The following GRM1 variants were observed in gnomAD, a reference collection of about 807,000 sequenced individuals.
GRM1 encodes glutamate metabotropic receptor 1.
GRM1 carries 33 observed loss-of-function variants against 90.9 expected under a neutral mutation model. The observed-to-expected ratio is 0.36, with a 90% confidence interval of 0.28 to 0.49. The LOEUF is 0.49. GRM1 is among the 20% of genes least tolerant of loss of function. The pLI is 0.99. For synonymous variants in GRM1, 700 were observed against 613.2 expected, an observed-to-expected ratio of 1.14 and a Z score of -2.09; for missense variants, 1,190 against 1,534.3, an observed-to-expected ratio of 0.78 and a Z score of 3.75.
At chr6:146,280,660 T>C (rs953196195) in intron 2 of GRM1, among the ~76,000 whole-genome samples, 1 of 152,090 alleles carries the variant, frequency 6.6e-6, no homozygotes, top group Non-Finnish European at 1.5e-5. Context: ...ATTCTCTCAC[T>C]CAGGCAGGAG....
chr6:146,208,325 G>T (rs1375532416), intron 2 of GRM1, among the ~76,000 whole-genome samples: 2 of 152,086 alleles, frequency 1.3e-5, no homozygotes, highest in African/African-American at 4.8e-5. Flanking sequence ...GTGAACAGGT[G>T]ATGTTTCTAT....
At chr6:146,139,872 GTTCCCTTCCCTTCCC>G (rs554971904) in intron 1 of GRM1, among the ~76,000 whole-genome samples, 7 of 110,078 alleles carry the variant, frequency 6.4e-5, no homozygotes, top group East Asian at 2.7e-4. Flanking sequence ...TGGTTGCTTT[GTTCCCTTCCCTTCCC>G]TTCCCTTCCC....
intron 3 of GRM1, among the ~76,000 whole-genome samples, chr6:146,326,050 T>C (rs1784388738): frequency 6.6e-6 from 1 of 152,182 alleles, no homozygotes; most frequent in Non-Finnish European, 1.5e-5. Flanking sequence ...TAAAATGAAG[T>C]GAATAAGTCA....
At chr6:146,076,634 A>G (rs1306422044) in intron 1 of GRM1, among the ~76,000 whole-genome samples, 1 of 152,152 alleles carries the variant, frequency 6.6e-6, no homozygotes, top group South Asian at 2.1e-4. Context: ...CAGTGGAGCA[A>G]GTTTGGAGGC....
intron 1 of GRM1, among the ~76,000 whole-genome samples, chr6:146,081,378 A>G (rs537404690): frequency 3.5e-4 from 53 of 152,322 alleles, no homozygotes; most frequent in African/African-American, 1.3e-3. Context: ...GATCTGCAGA[A>G]TATCATTTAT....
intron 1 of GRM1, among the ~76,000 whole-genome samples, chr6:146,113,502 G>A (rs1466346558): frequency 6.6e-6 from 1 of 152,194 alleles, no homozygotes; most frequent in Admixed American, 6.5e-5. Flanking sequence ...CCAGAAGAAA[G>A]TATATGTACT....
intron 3 of GRM1, among the ~76,000 whole-genome samples, chr6:146,349,073 A>ATTG (rs1554299566): frequency 1.4e-5 from 2 of 147,662 alleles, no homozygotes; most frequent in East Asian, 4.0e-4. Context: ...TATTATTATT[A>ATTG]TTATTATTAT....
intron 3 of GRM1, among the ~76,000 whole-genome samples, chr6:146,310,040 T>C (rs1783720666): frequency 6.6e-6 from 1 of 152,224 alleles, no homozygotes; most frequent in African/African-American, 2.4e-5. Flanking sequence ...CAATGACTTT[T>C]AAAATTAGTC....
chr6:146,304,550 G>T, intron 2 of GRM1, 61 bp from the exon 3 acceptor site: 2 of 1,125,698 alleles, frequency 1.8e-6, no homozygotes, highest in South Asian at 1.3e-5. Flanking sequence ...ATATAACTCT[G>T]AGCTCTATTT....
rs75655152 is a variant in GRM1, at chr6:146,351,305, G to A, written c.1187-945G>A. Among the ~76,000 whole-genome samples the A allele has an allele frequency of 6.8e-3, 1,032 of 152,298 alleles. 16 individuals are homozygous for A. Among genetic ancestry groups the A allele is most frequent in the African/African-American group, 0.024 (981 of 41,570 alleles). On this transcript the variant is annotated intron_variant, in intron 3 of 7. Coordinates refer to ENST00000282753, the MANE Select transcript of GRM1 (RefSeq NM_001278064.2). ...CCCCTACTATCAGTCAAATGAGGGA[G>A]GAAATGCTCACTGCAGAGAGAAGCA...
chr6:146,427,432 C>A (rs1429982486), intron 7 of GRM1, among the ~76,000 whole-genome samples: 1 of 152,082 alleles, frequency 6.6e-6, no homozygotes, highest in African/African-American at 2.4e-5. Flanking sequence ...GTCAAAGGTA[C>A]ACATTCCTGC....
At chr6:146,062,691 C>T (rs1435792804) in intron 1 of GRM1, among the ~76,000 whole-genome samples, 2 of 151,926 alleles carry the variant, frequency 1.3e-5, no homozygotes, top group Non-Finnish European at 2.9e-5. Context: ...TTCTCCACTT[C>T]ATCATCAATT....
At chr6:146,358,587 CTGACA>C in intron 5 of GRM1, among the ~76,000 whole-genome samples, 1 of 152,334 alleles carries the variant, frequency 6.6e-6, no homozygotes, top group South Asian at 2.1e-4. Flanking sequence ...TCCTGCCATG[CTGACA>C]TGCCGCTGTA....
chr6:146,418,180 T>C (rs1017598746), intron 7 of GRM1, among the ~76,000 whole-genome samples: 13 of 152,150 alleles, frequency 8.5e-5, no homozygotes, highest in Non-Finnish European at 1.3e-4. Context: ...TTGGCGTGTC[T>C]CCTTAGTAGC....
intron 1 of GRM1, among the ~76,000 whole-genome samples, chr6:146,057,378 T>A (rs1775515774): frequency 6.6e-6 from 1 of 152,122 alleles, no homozygotes; most frequent in South Asian, 2.1e-4. Context: ...GCATCACACA[T>A]AAGCACCTCT....
chr6:146,156,036 G>A (rs1160815319), intron 1 of GRM1, among the ~76,000 whole-genome samples: 5 of 152,198 alleles, frequency 3.3e-5, no homozygotes. Context: ...TTTACTTGGT[G>A]TAGAGGATAC....
intron 2 of GRM1, among the ~76,000 whole-genome samples, chr6:146,201,920 A>G (rs889293959): frequency 3.9e-5 from 6 of 152,216 alleles, no homozygotes; most frequent in Non-Finnish European, 7.3e-5. Context: ...CAATGCTGCC[A>G]TGTGGGCATT....
chr6:146,332,733 G>A lies in GRM1; in HGVS notation c.1187-19517G>A, dbSNP rs193054964. On this transcript the variant is annotated intron_variant, in intron 3 of 7. Coordinates refer to ENST00000282753, the MANE Select transcript of GRM1 (RefSeq NM_001278064.2). ...ATTAGGGTGTGGACATCTGTAGGGG[G>A]CCATTCTGCCCCCTGTTAAAAGCTA... is the stretch of plus-strand genomic sequence containing the variant. 2.4e-4 allele frequency among the ~76,000 whole-genome samples: 36 copies of A among 152,292 alleles called. 1 individual carries two copies. The highest frequency in any genetic ancestry group is 3.4e-3 in the Middle Eastern group (1 of 294).
intron 1 of GRM1, among the ~76,000 whole-genome samples, chr6:146,037,507 C>T (rs1582909322): frequency 6.6e-6 from 1 of 151,884 alleles, no homozygotes; most frequent in African/African-American, 2.4e-5. Context: ...CCTTTTTAAC[C>T]CTCATGCACG....
Sources: allele counts gnomAD v4.1 joint callset (sites outside exome capture counted in the v4.1 genomes callset), GRCh38; gene constraint gnomAD v4.1.1; transcripts MANE v1.5; gene names NCBI Gene and HGNC (gene_info 2026-07-23, HGNC 2026-07-21).